The following MAGI1 variants were observed in gnomAD, a reference collection of about 807,000 sequenced individuals.
MAGI1 encodes membrane-associated guanylate kinase, WW and PDZ domain-containing protein 1.
MAGI1 carries 58 observed loss-of-function variants against 139.9 expected under a neutral mutation model. That is an observed-to-expected ratio of 0.41 (90% confidence interval 0.34 to 0.52). The LOEUF is 0.52. MAGI1 is among the 20% of genes least tolerant of loss of function. The pLI is 0.12. For missense variants in MAGI1, 1,874 were observed against 1,901.6 expected, an observed-to-expected ratio of 0.99 and a Z score of 0.27; for synonymous variants, 812 against 737.9, an observed-to-expected ratio of 1.10 and a Z score of -1.63.
At chr3:65,847,461 C>A (rs56052808) in intron 1 of MAGI1, among the ~76,000 whole-genome samples, 4 of 152,126 alleles carry the variant, frequency 2.6e-5, no homozygotes, top group South Asian at 2.1e-4. Context: ...AAGTGATCCA[C>A]GGAAGAAATC....
rs143594446 is a variant in MAGI1, at chr3:65,446,604, A to G, written c.1078+1418T>C. 3.1e-3 allele frequency among the ~76,000 whole-genome samples: 465 copies of G among 152,320 alleles called. 5 individuals are homozygous for G. Among genetic ancestry groups the G allele is most frequent in the African/African-American group, 0.011 (454 of 41,570 alleles). ...CCAGCAGACAGCAGAGTGATCTGTCACACCTATTACTTAGGTAGCAAGAGT... is the reference window on the plus strand; with the variant it reads ...CCAGCAGACAGCAGAGTGATCTGTCGCACCTATTACTTAGGTAGCAAGAGT... On this transcript the variant is annotated intron_variant, in intron 7 of 22. Transcript: ENST00000402939.
At chr3:65,775,163 A>G (rs1487395584) in intron 1 of MAGI1, among the ~76,000 whole-genome samples, 1 of 152,098 alleles carries the variant, frequency 6.6e-6, no homozygotes, top group Non-Finnish European at 1.5e-5. Flanking sequence ...AAGTATTTTC[A>G]GGCTGGGCGT....
At position 65,429,703 on chromosome 3, in the gene MAGI1, C is replaced by G; in HGVS notation, c.1984G>C (p.Gly662Arg). The part of the protein sequence containing the change: ...GFGFTIADSP[G>R]GGGQRVKQIV... The stretch of plus-strand genomic sequence containing the variant: ...TGTTTCACTCTTTGGCCACCCCCAC[C>G]AGGACTGTCTGCGATAGTAAAACCA... Residue 662 changes from glycine to arginine, a missense_variant, in exon 12 of 23, where the codon GGT (glycine) becomes CGT (arginine). Around this residue, in one of 5 missense-constraint regions of MAGI1, gnomAD observed 482 missense variants for 509.6 expected, o/e 0.95. Transcript: ENST00000402939. The G allele has an allele frequency of 6.2e-7, 1 of 1,613,940 alleles. No homozygotes were observed. Among genetic ancestry groups the G allele is most frequent in the Non-Finnish European group, 8.5e-7 (1 of 1,179,940 alleles).
intron 2 of MAGI1, among the ~76,000 whole-genome samples, chr3:65,592,719 G>A (rs189293085): frequency 6.6e-6 from 1 of 152,296 alleles, no homozygotes; most frequent in East Asian, 1.9e-4. Flanking sequence ...ACTTCAGAAA[G>A]AATGAGGGCT....
At chr3:65,639,792 C>G (rs1170250100) in intron 1 of MAGI1, among the ~76,000 whole-genome samples, 2 of 152,020 alleles carry the variant, frequency 1.3e-5, no homozygotes, top group African/African-American at 2.4e-5. Flanking sequence ...CACCTGAGGT[C>G]TGGAGTTCAA....
chr3:65,700,726 G>A (rs1365944530), intron 1 of MAGI1, among the ~76,000 whole-genome samples: 7 of 152,146 alleles, frequency 4.6e-5, no homozygotes, highest in Admixed American at 1.3e-4. Context: ...GTAACACGTC[G>A]TATAAGAAAC....
At chr3:66,015,033 C>T (rs1262605151) in intron 1 of MAGI1, among the ~76,000 whole-genome samples, 1 of 152,042 alleles carries the variant, frequency 6.6e-6, no homozygotes, top group African/African-American at 2.4e-5. Context: ...TGCCCCACCA[C>T]CATCCCCTCA....
At chr3:65,421,083 G>T (rs990645964) in intron 12 of MAGI1, among the ~76,000 whole-genome samples, 1 of 152,170 alleles carries the variant, frequency 6.6e-6, no homozygotes, top group African/African-American at 2.4e-5. Context: ...ATTATATAAT[G>T]AAAGACAGAA....
rs371881526 is a variant in MAGI1 at position 65,898,856 on chromosome 3, C to G, written c.313+139140G>C. Among the ~76,000 whole-genome samples, 7 of 152,232 alleles carry G rather than the reference C, an allele frequency of 4.6e-5. No individual in the cohort carries two copies. The East Asian group carries it at 1.3e-3, about 29-fold the overall frequency. ...TGTTTTCAAAATATCATATGTACCC[C>G]ATGAATATGTACAATTATTATTTGT... On this transcript the variant is annotated intron_variant, in intron 1 of 22. Transcript: ENST00000402939.
At chr3:65,492,020 C>T (rs1023857365) in intron 3 of MAGI1, among the ~76,000 whole-genome samples, 1 of 152,140 alleles carries the variant, frequency 6.6e-6, no homozygotes, top group Admixed American at 6.5e-5. Context: ...GTCACTGTAA[C>T]AGAAGCAATT....
intron 1 of MAGI1, among the ~76,000 whole-genome samples, chr3:65,868,023 C>T (rs1418637048): frequency 6.6e-6 from 1 of 152,080 alleles, no homozygotes; most frequent in East Asian, 1.9e-4. Flanking sequence ...TACAAGTCTG[C>T]CTGCTGAGAA....
At position 65,967,441 on chromosome 3, in the gene MAGI1, C is replaced by T. The variant is rs1326145144; in HGVS notation, c.313+70555G>A. Among the ~76,000 whole-genome samples the T allele has an allele frequency of 3.3e-5, 5 of 152,242 alleles. No individual in the cohort carries two copies. The East Asian group carries it at 9.7e-4, about 29-fold the overall frequency. On this transcript the variant is annotated intron_variant, in intron 1 of 22. Coordinates refer to ENST00000402939, the MANE Select transcript of MAGI1 (RefSeq NM_001033057.2). ...CAATAATGTCAGGATGAAAGGATTT[C>T]CCCACCCCGACCTGCCTCCCCTCCA...
chr3:65,950,051 A>AC (rs1479033483), intron 1 of MAGI1, among the ~76,000 whole-genome samples: 30 of 65,238 alleles, frequency 4.6e-4, no homozygotes, highest in South Asian at 1.8e-3. Flanking sequence ...CATCAAAAAA[A>AC]AAAAAAACAA....
chr3:65,702,119 T>C (rs1576801300), intron 1 of MAGI1, among the ~76,000 whole-genome samples: 2 of 152,172 alleles, frequency 1.3e-5, no homozygotes, highest in South Asian at 4.1e-4. Context: ...CTGATCAGTA[T>C]TCAGTACCTG....
chr3:65,868,139 C>A (rs1390242), intron 1 of MAGI1, among the ~76,000 whole-genome samples: 3 of 151,950 alleles, frequency 2.0e-5, no homozygotes, highest in African/African-American at 7.3e-5. Context: ...AGCCTCTCCT[C>A]TGGCCTAGGT....
intron 1 of MAGI1, among the ~76,000 whole-genome samples, chr3:65,730,995 GTTA>G (rs1053685183): frequency 4.0e-5 from 6 of 150,478 alleles, no homozygotes; most frequent in Admixed American, 4.0e-4. Flanking sequence ...AATGAATCAA[GTTA>G]CCTCTAGAGG....
At chr3:65,623,366 T>C (rs1296032211) in intron 1 of MAGI1, among the ~76,000 whole-genome samples, 1 of 152,124 alleles carries the variant, frequency 6.6e-6, no homozygotes, top group African/African-American at 2.4e-5. Context: ...TATTATATTA[T>C]CACAAAAATG....
At chr3:65,597,825 C>T (rs1207782568) in intron 2 of MAGI1, 1 of 456,578 alleles carries the variant, frequency 2.2e-6, no homozygotes, top group South Asian at 1.5e-5. Context: ...CTGCAAACCC[C>T]AGCCCAATCG....
chr3:66,015,242 C>T (rs536231696), intron 1 of MAGI1, among the ~76,000 whole-genome samples: 1 of 151,434 alleles, frequency 6.6e-6, no homozygotes, highest in African/African-American at 2.4e-5. Flanking sequence ...TACACACGTA[C>T]TAATTGATAA....
Sources: gnomAD v4.1 joint callset for allele counts (sites outside exome capture counted in the v4.1 genomes callset) on GRCh38, gnomAD v4.1.1 for gene constraint, gnomAD v4.1.1 regional missense constraint, MANE v1.5 for transcripts, NCBI Gene and HGNC (gene_info 2026-07-23, HGNC 2026-07-21) for gene names.